PSD2: variants seen among roughly 807,000 people sequenced by gnomAD.
The protein encoded by PSD2 is PH and SEC7 domain-containing protein 2.
A neutral mutation model predicts 69.8 loss-of-function variants in PSD2; 38 were observed. The ratio of observed to expected loss-of-function variants is 0.54; its 90% CI spans 0.42 to 0.71. The LOEUF (loss-of-function observed/expected upper bound fraction) is 0.71. Ranked by LOEUF, PSD2 falls within the 30% of genes least tolerant of loss-of-function variation. The pLI, the probability that PSD2 is intolerant of heterozygous loss-of-function variation, is 0.00. For missense variants in PSD2, 943 were observed against 1,014.5 expected, an observed-to-expected ratio of 0.93 and a Z score of 0.96; for synonymous variants, 412 against 423.0, an observed-to-expected ratio of 0.97 and a Z score of 0.32.
At chr5:139,788,542 C>T in the PSD2 span, among the ~76,000 whole-genome samples, 2 of 152,188 alleles carry the variant, frequency 1.3e-5, no homozygotes, top group Non-Finnish European at 2.9e-5. Context: ...GGGGCTTCTC[C>T]CCCTAACCCC....
chr5:139,746,483 C>A, the PSD2 span, among the ~76,000 whole-genome samples: 4 of 152,222 alleles, frequency 2.6e-5, no homozygotes, highest in Non-Finnish European at 5.9e-5. This position sits in a 1 kb window ranked among gnomAD's most constrained non-coding sequence, Gnocchi z 4.5. Context: ...CGAATGGGAT[C>A]GCGCTGGGAC....
At chr5:139,782,615 C>T in the PSD2 span, among the ~76,000 whole-genome samples, 342 of 152,066 alleles carry the variant, frequency 2.2e-3, no homozygotes, top group African/African-American at 7.9e-3. Context: ...GCCTCAGCCT[C>T]CCAAGTAGCT....
the PSD2 span, among the ~76,000 whole-genome samples, chr5:139,760,285 T>G: frequency 2.0e-5 from 3 of 152,352 alleles, no homozygotes; most frequent in East Asian, 5.8e-4. Flanking sequence ...TGGTAGTTGA[T>G]GGAACCTCTC....
Position 139,813,497 on chromosome 5 carries a change from G to T in PSD2, c.560G>T (p.Arg187Leu). 3.1e-6 allele frequency: 5 copies of T among 1,613,232 alleles called. No individual in the cohort carries two copies. Among genetic ancestry groups the T allele is most frequent in the Non-Finnish European group, 4.2e-6 (5 of 1,179,356 alleles). ...CCCCTCACACCCCTCATCCAGCAGC[G>T]GGCCCGTGACAGCCCTGAGCCAGGG... is the stretch of plus-strand genomic sequence containing the variant. ...EAPLTPLIQQ[R>L]ARDSPEPGAG... Residue 187 changes from arginine to leucine, a missense_variant, in exon 3 of 15, where the codon CGG becomes CTG. Physicochemically the swap from Arg to Leu is moderately radical, Grantham distance 102. Around this residue, in one of 3 missense-constraint regions of PSD2, gnomAD observed 466 missense variants for 445.0 expected, o/e 1.05. Coordinates refer to ENST00000274710, the MANE Select transcript of PSD2 (RefSeq NM_032289.4).
rs955153356 is a variant in PSD2, at chr5:139,804,900, C to T, written c.-50-4491C>T. ...GTGTGTCTGTGTGCATGTGTGTGTG[C>T]GTGCGTGTGTGCATGTCTGTGAACG... On this transcript the variant is annotated intron_variant, in intron 1 of 14. Transcript: ENST00000274710. Among the ~76,000 whole-genome samples, 17 of 150,248 alleles carry T rather than the reference C, an allele frequency of 1.1e-4. No individual in the cohort carries two copies. The East Asian group carries it at 1.4e-3, about 12-fold the overall frequency.
At chr5:139,764,538 C>G in the PSD2 span, among the ~76,000 whole-genome samples, 2 of 152,170 alleles carry the variant, frequency 1.3e-5, no homozygotes, top group South Asian at 2.1e-4. Flanking sequence ...TGCGGGACCC[C>G]GTTGCCAGGA....
At chr5:139,796,819 G>T (rs1759544249) in intron 1 of PSD2, among the ~76,000 whole-genome samples, 2 of 152,332 alleles carry the variant, frequency 1.3e-5, no homozygotes, top group Admixed American at 6.5e-5. Context: ...GCCAGGAAGA[G>T]AACAGGGAGC....
the PSD2 span, among the ~76,000 whole-genome samples, chr5:139,746,589 C>A: frequency 6.6e-6 from 1 of 152,174 alleles, no homozygotes. The surrounding 1 kb of genome is among the most constrained non-coding windows in gnomAD (Gnocchi z 4.5). Context: ...GAGGCACCCC[C>A]GCTTCTTTGT....
chr5:139,794,106 A>C (rs993569183), upstream of PSD2, among the ~76,000 whole-genome samples: 1 of 152,192 alleles, frequency 6.6e-6, no homozygotes, highest in South Asian at 2.1e-4. Context: ...GGGCACCTGC[A>C]CAGAGAGTGG....
At chr5:139,830,464 C>T (rs909007934) in intron 7 of PSD2, among the ~76,000 whole-genome samples, 7 of 151,170 alleles carry the variant, frequency 4.6e-5, no homozygotes, top group African/African-American at 1.7e-4. Context: ...AATCCTCTCA[C>T]CTCAGTCTCC....
At chr5:139,774,850 G>A in the PSD2 span, among the ~76,000 whole-genome samples, 1 of 152,216 alleles carries the variant, frequency 6.6e-6, no homozygotes, top group African/African-American at 2.4e-5. Context: ...GGTCCGCAGG[G>A]CACAGGGGAG....
chr5:139,795,889 C>G lies in PSD2; in HGVS notation c.-137C>G, dbSNP rs1385816366. On this transcript the variant is annotated 5_prime_UTR_variant, in exon 1 of 15. Transcript: ENST00000274710. The surrounding 1 kb of genome is among the most constrained non-coding windows in gnomAD (Gnocchi z 4.5). The stretch of plus-strand genomic sequence containing the variant: ...CGCGGGCGGGCGCGGGCAGCTCCGA[C>G]CGGCGGCGGCGGGGCGGGACAGGCA... 2 of 151,276 alleles carry G rather than the reference C, an allele frequency of 1.3e-5. No homozygotes were observed. The highest frequency in any genetic ancestry group is 3.9e-4 in the East Asian group (2 of 5,162). 9.4% of individuals were successfully genotyped at this position (151,276 alleles called of 1,614,324 possible). A position where few individuals can be genotyped will look rare whatever the true frequency, so the allele number is the denominator to read the frequency against.
At chr5:139,838,266 G>A (rs923607038) in intron 12 of PSD2, among the ~76,000 whole-genome samples, 2 of 152,204 alleles carry the variant, frequency 1.3e-5, no homozygotes, top group African/African-American at 4.8e-5. Context: ...GCCAGTGCTG[G>A]GCAGGCAGCG....
intron 8 of PSD2, among the ~76,000 whole-genome samples, chr5:139,835,219 A>G (rs1448725909): frequency 1.3e-5 from 2 of 150,922 alleles, no homozygotes; most frequent in African/African-American, 4.9e-5. Flanking sequence ...GCCCACCCAT[A>G]TCCTCATGCA....
the PSD2 span, among the ~76,000 whole-genome samples, chr5:139,765,585 C>T: frequency 6.6e-6 from 1 of 152,260 alleles, no homozygotes; most frequent in African/African-American, 2.4e-5. Context: ...CCACCTCCCA[C>T]CCTCCAAGCC....
chr5:139,775,148 CA>C, the PSD2 span: 1 of 152,494 alleles, frequency 6.6e-6, no homozygotes, highest in East Asian at 1.9e-4. Context: ...GAACAGCCAA[CA>C]CTTCGAAGGT....
At chr5:139,830,640 C>CTTTA (rs749415314) in intron 7 of PSD2, among the ~76,000 whole-genome samples, 1 of 118,216 alleles carries the variant, frequency 8.5e-6, no homozygotes, top group African/African-American at 3.3e-5. Flanking sequence ...TTCTTTCTTT[C>CTTTA]TTTCTTTCTT....
chr5:139,815,919 G>A (rs1275584738), intron 4 of PSD2, among the ~76,000 whole-genome samples: 2 of 151,282 alleles, frequency 1.3e-5, no homozygotes, highest in African/African-American at 4.9e-5. Flanking sequence ...GCTTGATCCT[G>A]GGAGGCGGAG....
chr5:139,793,315 A>G (rs1759452548), upstream of PSD2, among the ~76,000 whole-genome samples: 1 of 152,314 alleles, frequency 6.6e-6, no homozygotes, highest in African/African-American at 2.4e-5. Context: ...TCCAGTGTCC[A>G]TGGCACCCAG....
Sources: allele counts gnomAD v4.1 joint callset (sites outside exome capture counted in the v4.1 genomes callset), GRCh38; gene constraint gnomAD v4.1.1; regional missense constraint gnomAD v4.1.1; non-coding constraint Gnocchi (gnomAD v3.1); transcripts MANE v1.5; gene names NCBI Gene and HGNC (gene_info 2026-07-23, HGNC 2026-07-21).